Variants in FUT8 observed in about 807,000 individuals in gnomAD.
The protein encoded by FUT8 is alpha-(1,6)-fucosyltransferase.
A neutral mutation model predicts 71.3 loss-of-function variants in FUT8; 29 were observed. The ratio of observed to expected loss-of-function variants is 0.41; its 90% CI spans 0.30 to 0.55. The LOEUF is 0.55. FUT8 is among the 20% of genes least tolerant of loss of function. The pLI is 0.34. For missense variants in FUT8, 544 were observed against 702.1 expected (o/e 0.77, Z 2.55); for synonymous variants, 254 against 239.3 (o/e 1.06, Z -0.57).
intron 1 of FUT8, among the ~76,000 whole-genome samples, chr14:65,452,086 A>G (rs2065836293): frequency 1.3e-5 from 2 of 152,010 alleles, no homozygotes; most frequent in Admixed American, 6.5e-5. Context: ...AGTTTCTCCT[A>G]TGGTAATATT....
intron 1 of FUT8, among the ~76,000 whole-genome samples, chr14:65,449,454 CG>C (rs1363737926): frequency 2.6e-5 from 4 of 152,102 alleles, no homozygotes; most frequent in African/African-American, 7.2e-5. Flanking sequence ...AGAAAGAATG[CG>C]GCTTCCGTTG....
At chr14:65,390,755 G>A in the FUT8 span, among the ~76,000 whole-genome samples, 4 of 134,664 alleles carry the variant, frequency 3.0e-5, no homozygotes, top group South Asian at 6.9e-4. Context: ...ATGGAGTCTC[G>A]CTATGTCACC....
intron 6 of FUT8, among the ~76,000 whole-genome samples, chr14:65,644,562 C>T (rs943176463): frequency 1.4e-4 from 21 of 151,802 alleles, no homozygotes; most frequent in South Asian, 1.3e-3. Flanking sequence ...GGGGTTTCAC[C>T]GTGTTAGCCA....
chr14:65,389,397 G>C, the FUT8 span, among the ~76,000 whole-genome samples: 1 of 150,310 alleles, frequency 6.7e-6, no homozygotes, highest in Non-Finnish European at 1.5e-5. Flanking sequence ...TTGAGTCAGA[G>C]TCTCACTCAG....
intron 6 of FUT8, among the ~76,000 whole-genome samples, chr14:65,636,839 G>T (rs1441408850): frequency 6.6e-6 from 1 of 152,144 alleles, no homozygotes; most frequent in African/African-American, 2.4e-5. Context: ...AAAGTTCATA[G>T]TTGTCAAAAT....
intron 9 of FUT8, among the ~76,000 whole-genome samples, chr14:65,729,077 A>G (rs960738939): frequency 1.5e-5 from 2 of 136,588 alleles, no homozygotes; most frequent in East Asian, 2.2e-4. Flanking sequence ...CCAGGCTGGA[A>G]TGCGTTGGTG....
chr14:65,525,320 A>C (rs928754037), intron 2 of FUT8, among the ~76,000 whole-genome samples: 3 of 152,072 alleles, frequency 2.0e-5, no homozygotes, highest in African/African-American at 7.2e-5. Flanking sequence ...GAATTTATCC[A>C]TTTCTTCTAG....
intron 3 of FUT8, among the ~76,000 whole-genome samples, chr14:65,562,090 C>T (rs1471238870): frequency 1.3e-5 from 2 of 151,724 alleles, no homozygotes; most frequent in Admixed American, 6.6e-5. Flanking sequence ...TATATGTGCC[C>T]CAAGACAATT....
chr14:65,529,326 G>T (rs948981732), intron 2 of FUT8: 1 of 152,120 alleles, frequency 6.6e-6, no homozygotes, highest in Non-Finnish European at 1.5e-5. Context: ...CTACCTCATG[G>T]GTTCAAGCGA....
intron 7 of FUT8, among the ~76,000 whole-genome samples, chr14:65,717,262 C>T (rs1209477221): frequency 2.1e-4 from 23 of 107,872 alleles, no homozygotes; most frequent in Admixed American, 6.9e-4. Flanking sequence ...CCAGACGGGG[C>T]GGCCGGGCAG....
chr14:65,379,716 T>A, the FUT8 span, among the ~76,000 whole-genome samples: 51 of 152,310 alleles, frequency 3.3e-4, no homozygotes, highest in Non-Finnish European at 6.2e-4. Context: ...ACTCCGTTTG[T>A]GCTGCTATAA....
chr14:65,561,338 A>AT lies in FUT8; in HGVS notation c.-225dup, dbSNP rs1274826697. 8 of 532,202 alleles carry AT rather than the reference A, an allele frequency of 1.5e-5. No homozygotes were observed. Among genetic ancestry groups the AT allele is most frequent in the Non-Finnish European group, 2.7e-5 (8 of 298,288 alleles). 33.0% of individuals were successfully genotyped at this position (532,202 alleles called of 1,614,324 possible). A position where few individuals can be genotyped will look rare whatever the true frequency, so the allele number is the denominator to read the frequency against. On this transcript the variant is annotated splice_region_variant and 5_prime_UTR_variant, in exon 3 of 11. An upstream start codon of the reference 5' UTR is lost. Transcript: ENST00000673929. ...ATACATTTCTTACTCTTTCCACAGC[A>AT]TGTAGAGCGCATGAAGTACAGGACA... is the stretch of plus-strand genomic sequence containing the variant.
At chr14:65,683,159 G>T (rs1365098374) in intron 7 of FUT8, among the ~76,000 whole-genome samples, 1 of 151,830 alleles carries the variant, frequency 6.6e-6, no homozygotes, top group Admixed American at 6.6e-5. Flanking sequence ...AATTACAGGC[G>T]CCCACCATCA....
the FUT8 span, among the ~76,000 whole-genome samples, chr14:65,400,984 A>G: frequency 2.6e-5 from 4 of 152,218 alleles, no homozygotes; most frequent in Non-Finnish European, 5.9e-5. Context: ...TGAGGGTTGC[A>G]CTTATATAAC....
chr14:65,427,713 A>G (rs2065410989), intron 1 of FUT8, among the ~76,000 whole-genome samples: 1 of 152,240 alleles, frequency 6.6e-6, no homozygotes, highest in Non-Finnish European at 1.5e-5. Context: ...TAATTTATAT[A>G]CCATAACATT....
chr14:65,375,542 G>A, the FUT8 span, among the ~76,000 whole-genome samples: 1 of 152,082 alleles, frequency 6.6e-6, no homozygotes, highest in Non-Finnish European at 1.5e-5. Flanking sequence ...GATCACTTGA[G>A]CCCAGAATGT....
At chr14:65,582,834 C>T (rs1285384990) in intron 3 of FUT8, among the ~76,000 whole-genome samples, 1 of 151,852 alleles carries the variant, frequency 6.6e-6, no homozygotes, top group Non-Finnish European at 1.5e-5. Flanking sequence ...ATGAATGAGC[C>T]CAGTTGATTT....
chr14:65,694,467 A>G (rs988886681), intron 7 of FUT8, among the ~76,000 whole-genome samples: 1 of 152,150 alleles, frequency 6.6e-6, no homozygotes, highest in Non-Finnish European at 1.5e-5. Context: ...TTCTAGTTCC[A>G]TTGTGGTTTG....
chr14:65,370,020 A>G, the FUT8 span, among the ~76,000 whole-genome samples: 1 of 152,118 alleles, frequency 6.6e-6, no homozygotes. Flanking sequence ...GATGCTCCTC[A>G]CAGAAATAGT....
Sources: gnomAD v4.1 joint callset for allele counts (sites outside exome capture counted in the v4.1 genomes callset) on GRCh38, gnomAD v4.1.1 for gene constraint, MANE v1.5 for transcripts, NCBI Gene and HGNC (gene_info 2026-07-23, HGNC 2026-07-21) for gene names.